The following KSR2 variants were observed in gnomAD, a reference collection of about 807,000 sequenced individuals.
KSR2 encodes the protein kinase suppressor of ras 2.
A neutral mutation model predicts 107.8 loss-of-function variants in KSR2; 25 were observed. The ratio of observed to expected loss-of-function variants is 0.23; its 90% confidence interval spans 0.17 to 0.32. KSR2 has a LOEUF of 0.32. Among genes scored for constraint, KSR2 ranks in the 10% least tolerant of loss-of-function variants. KSR2 has a pLI of 1.00. For missense variants in KSR2, 887 were observed against 1,268.9 expected, an observed-to-expected ratio of 0.70 and a Z score of 4.57; for synonymous variants, 480 against 507.0, an observed-to-expected ratio of 0.95 and a Z score of 0.71.
intron 4 of KSR2, among the ~76,000 whole-genome samples, chr12:117,697,134 C>T (rs7303368): frequency 0.14 from 21,246 of 152,238 alleles, 1,744 homozygotes; most frequent in African/African-American, 0.23. Flanking sequence ...TTTCCTCCCC[C>T]TCGAGATGGA....
intron 3 of KSR2, among the ~76,000 whole-genome samples, chr12:117,837,289 T>C (rs1892258887): frequency 6.6e-6 from 1 of 152,156 alleles, no homozygotes; most frequent in African/African-American, 2.4e-5. Context: ...AGACTCAGTT[T>C]TTCCTTACTT....
chr12:117,676,950 C>T (rs76673781), intron 4 of KSR2, among the ~76,000 whole-genome samples: 136 of 152,254 alleles, frequency 8.9e-4, no homozygotes, highest in African/African-American at 3.2e-3. Context: ...TGTACAAATG[C>T]TATGACTTGA....
At position 117,548,936 on chromosome 12, in the gene KSR2, A is replaced by G. The variant is rs530831577; in HGVS notation, c.1518+6233T>C. On this transcript the variant is annotated intron_variant, in intron 9 of 19. Coordinates refer to ENST00000339824, the MANE Select transcript of KSR2 (RefSeq NM_173598.6). ...TTCCCTGGAATAACAGATCTCCCCA[A>G]TTTGATCTCAGACCCTGTGTGGAAG... Among the ~76,000 whole-genome samples, 10 of 152,342 alleles carry G rather than the reference A, an allele frequency of 6.6e-5. No homozygotes were observed. The South Asian group carries it at 8.3e-4, about 13-fold the overall frequency.
intron 4 of KSR2, among the ~76,000 whole-genome samples, chr12:117,728,115 T>C (rs1887512173): frequency 6.6e-6 from 1 of 152,190 alleles, no homozygotes; most frequent in Non-Finnish European, 1.5e-5. Flanking sequence ...AAATATTCTG[T>C]CTTGATTGGG....
Position 117,628,966 on chromosome 12 carries a change from G to A in KSR2, c.1171+38508C>T, listed in dbSNP as rs529097015. 5.9e-5 allele frequency among the ~76,000 whole-genome samples: 9 copies of A among 152,348 alleles called. No homozygotes were observed. The East Asian group carries it at 7.7e-4, about 13-fold the overall frequency. ...TGGCAGATCGATCTCGGACTGCTGCGCTAGCAGTGAGCAAGGCTCCATGGG... is the reference window on the plus strand; with the variant it reads ...TGGCAGATCGATCTCGGACTGCTGCACTAGCAGTGAGCAAGGCTCCATGGG... On this transcript the variant is annotated intron_variant, in intron 5 of 19. Transcript: ENST00000339824.
intron 4 of KSR2, among the ~76,000 whole-genome samples, chr12:117,723,888 T>C (rs1425899654): frequency 6.6e-6 from 1 of 152,226 alleles, no homozygotes; most frequent in Non-Finnish European, 1.5e-5. Context: ...AGTACTAGTA[T>C]AGATATCAAG....
intron 4 of KSR2, among the ~76,000 whole-genome samples, chr12:117,697,920 C>T (rs113939807): frequency 1.3e-5 from 2 of 151,912 alleles, no homozygotes; most frequent in African/African-American, 4.8e-5. Flanking sequence ...GTAGGGTGGA[C>T]CCCTCCCATA....
intron 15 of KSR2, 67 bp downstream of exon 15, chr12:117,485,528 G>C (rs1242426418): frequency 4.9e-6 from 6 of 1,223,138 alleles, no homozygotes; most frequent in South Asian, 2.4e-5. Context: ...CCTGGGGTAG[G>C]GGGGCTTCCC....
intron 1 of KSR2, among the ~76,000 whole-genome samples, chr12:117,935,481 C>T (rs1365397106): frequency 2.6e-5 from 4 of 152,090 alleles, no homozygotes; most frequent in Admixed American, 6.6e-5. Context: ...TCTCATGGGC[C>T]GGGCATGGTG....
intron 1 of KSR2, among the ~76,000 whole-genome samples, chr12:117,911,174 T>TCTCACACA (rs1555256064): frequency 1.3e-4 from 20 of 148,942 alleles, no homozygotes; most frequent in Admixed American, 1.0e-3. Flanking sequence ...TCTCTCTCTC[T>TCTCACACA]CACACACACA....
intron 7 of KSR2, among the ~76,000 whole-genome samples, chr12:117,573,689 G>A (rs146241704): frequency 4.0e-4 from 60 of 151,860 alleles, no homozygotes; most frequent in African/African-American, 1.2e-3. Context: ...CACCAAACTC[G>A]GCTAATTTTT....
chr12:117,727,246 G>T (rs909265772), intron 4 of KSR2, among the ~76,000 whole-genome samples: 1 of 151,876 alleles, frequency 6.6e-6, no homozygotes, highest in African/African-American at 2.4e-5. Context: ...ATGATGGCGG[G>T]CACCTGTAGT....
At position 117,527,157 on chromosome 12, in the gene KSR2, A is replaced by G. The variant is rs567465923; in HGVS notation, c.1803-38T>C. 193 of 1,491,718 alleles carry G rather than the reference A, an allele frequency of 1.3e-4. 8 individuals carry two copies. In the South Asian group the frequency reaches 2.1e-3, roughly 16 times the overall value. 92.4% of individuals were successfully genotyped at this position (1,491,718 alleles called of 1,614,324 possible). On this transcript the variant is annotated intron_variant, in intron 12 of 19. Transcript: ENST00000339824. The stretch of plus-strand genomic sequence containing the variant: ...AAAAATAAACGTGATCCCTAGGTGA[A>G]AAGGCAGGTCTATATATTGAGTTTA...
At chr12:117,639,658 A>ATTATAT (rs139711049) in intron 5 of KSR2, among the ~76,000 whole-genome samples, 11 of 102,866 alleles carry the variant, frequency 1.1e-4, no homozygotes, top group African/African-American at 1.6e-4. Flanking sequence ...TATTATTATT[A>ATTATAT]TATTATTTTA....
At chr12:117,488,321 A>G (rs1268185647) in intron 14 of KSR2, among the ~76,000 whole-genome samples, 2 of 152,242 alleles carry the variant, frequency 1.3e-5, no homozygotes, top group Non-Finnish European at 2.9e-5. Flanking sequence ...CCCAACAGAT[A>G]TGAATTCTCA....
intron 13 of KSR2, among the ~76,000 whole-genome samples, 166 bp from the exon 14 acceptor site, chr12:117,525,385 G>T (rs983360940): frequency 6.6e-6 from 1 of 152,168 alleles, no homozygotes; most frequent in Admixed American, 6.5e-5. Flanking sequence ...CTAGAATCTG[G>T]TCTAGAATCA....
intron 16 of KSR2, among the ~76,000 whole-genome samples, chr12:117,481,279 C>T (rs1425086772): frequency 2.0e-5 from 3 of 152,008 alleles, no homozygotes; most frequent in Admixed American, 2.0e-4. Flanking sequence ...TTTGCCTCCC[C>T]CAAATTTAGT....
intron 1 of KSR2, among the ~76,000 whole-genome samples, chr12:117,877,345 A>C (rs1415054687): frequency 1.3e-5 from 2 of 152,100 alleles, no homozygotes; most frequent in Admixed American, 1.3e-4. Flanking sequence ...TCAAAAAAAA[A>C]CTTTCCGATT....
chr12:117,495,057 T>A (rs1422353154), intron 14 of KSR2, among the ~76,000 whole-genome samples: 1 of 152,210 alleles, frequency 6.6e-6, no homozygotes, highest in Non-Finnish European at 1.5e-5. Context: ...GTGCAAATAG[T>A]CCCTGGCGCT....
Sources: allele counts gnomAD v4.1 joint callset (sites outside exome capture counted in the v4.1 genomes callset), GRCh38; gene constraint gnomAD v4.1.1; transcripts MANE v1.5; gene names NCBI Gene and HGNC (gene_info 2026-07-23, HGNC 2026-07-21).